IP6K3: variants seen among roughly 807,000 people sequenced by gnomAD.
The protein encoded by IP6K3 is ATP:1D-myo-inositol-hexakisphosphate phosphotransferase.
In IP6K3, 20 loss-of-function variants were observed where a neutral mutation model predicts 28.8. The observed-to-expected ratio is 0.70, with a 90% CI of 0.49 to 1.01. IP6K3 has a LOEUF of 1.01. Among genes scored for constraint, IP6K3 ranks in the 50% least tolerant of loss-of-function variants. IP6K3 has a pLI of 0.00. For synonymous variants in IP6K3, 213 were observed against 221.3 expected, an observed-to-expected ratio of 0.96 and a Z score of 0.33; for missense variants, 480 against 537.1, an observed-to-expected ratio of 0.89 and a Z score of 1.05.
chr6:33,737,403 G>T (rs143322062), intron 1 of IP6K3, among the ~76,000 whole-genome samples: 1 of 152,102 alleles, frequency 6.6e-6, no homozygotes, highest in East Asian at 1.9e-4. Flanking sequence ...ATTAATACTC[G>T]CTCCCTCTGC....
the IP6K3 span, among the ~76,000 whole-genome samples, chr6:33,753,915 T>C: frequency 2.0e-5 from 3 of 152,250 alleles, no homozygotes; most frequent in African/African-American, 4.8e-5. Flanking sequence ...TTCACGCCAT[T>C]CTCCTGCCTC....
At chr6:33,751,155 C>T (rs2127370655), upstream of IP6K3, among the ~76,000 whole-genome samples, 1 of 152,288 alleles carries the variant, frequency 6.6e-6, no homozygotes, top group South Asian at 2.1e-4. The surrounding 1 kb of genome is among the most constrained non-coding windows in gnomAD (Gnocchi z 4.3). Context: ...GGCTAGGCGG[C>T]TTGTGGCTTC....
intron 1 of IP6K3, among the ~76,000 whole-genome samples, chr6:33,738,246 G>A (rs763827114): frequency 2.0e-4 from 31 of 152,012 alleles, no homozygotes; most frequent in Non-Finnish European, 2.8e-4. Context: ...CTCCTGCCCC[G>A]CACACTTGTA....
At chr6:33,730,538 G>T (rs1247498621) in intron 2 of IP6K3, among the ~76,000 whole-genome samples, 1 of 152,202 alleles carries the variant, frequency 6.6e-6, no homozygotes, top group Non-Finnish European at 1.5e-5. Context: ...TCCACCCCTA[G>T]GCCAAGCCCA....
At chr6:33,749,196 T>A (rs139595785), upstream of IP6K3, among the ~76,000 whole-genome samples, 54 of 152,274 alleles carry the variant, frequency 3.5e-4, no homozygotes, top group Middle Eastern at 6.8e-3. Context: ...CCCCCAGGTC[T>A]CCAGGAGGGC....
At chr6:33,758,746 G>C in the IP6K3 span, among the ~76,000 whole-genome samples, 2 of 151,996 alleles carry the variant, frequency 1.3e-5, no homozygotes, top group South Asian at 4.2e-4. Flanking sequence ...TTACAGGTGC[G>C]TGCCACCACA....
the IP6K3 span, among the ~76,000 whole-genome samples, chr6:33,757,349 A>T: frequency 6.6e-6 from 1 of 152,304 alleles, no homozygotes; most frequent in Admixed American, 6.5e-5. Context: ...TGTGCAGCTG[A>T]TGTTCTTGCC....
rs1469244988 is a variant in IP6K3, at chr6:33,722,574, T to C, written c.*146A>G. 5.0e-6 allele frequency: 3 copies of C among 600,078 alleles called. No individual in the cohort carries two copies. The highest frequency in any genetic ancestry group is 1.8e-5 in the African/African-American group (1 of 54,096). 37.2% of individuals were successfully genotyped at this position (600,078 alleles called of 1,614,324 possible). A position where few individuals can be genotyped will look rare whatever the true frequency, so the allele number is the denominator to read the frequency against. On this transcript the variant is annotated 3_prime_UTR_variant, in exon 6 of 6. Coordinates refer to ENST00000293756, the MANE Select transcript of IP6K3 (RefSeq NM_054111.5). ...AGCTGATTTGTTCAGCAGCTGTTAA[T>C]ATAGTCTGCCATATATAGAGATGGT...
upstream of IP6K3, among the ~76,000 whole-genome samples, chr6:33,747,754 G>C (rs1041134482): frequency 1.3e-4 from 20 of 152,134 alleles, 1 homozygote; most frequent in Non-Finnish European, 2.2e-4. The surrounding 1 kb of genome is among the most constrained non-coding windows in gnomAD (Gnocchi z 5.2). Context: ...GGCCTCACCA[G>C]CCTCTGTCCT....
upstream of IP6K3, among the ~76,000 whole-genome samples, chr6:33,748,177 G>C (rs78279732): frequency 6.6e-3 from 1,002 of 152,228 alleles, 16 homozygotes; most frequent in South Asian, 0.035. Context: ...GGCCCAGGTT[G>C]CCCACTGGTC....
In IP6K3 at chr6:33,725,447, G is replaced by A. The variant is rs1377686372; in HGVS notation, c.759C>T (p.Gly253=). 6.2e-7 allele frequency: 1 copy of A among 1,608,724 alleles called. No homozygotes were observed. Among genetic ancestry groups the A allele is most frequent in the African/African-American group, 1.3e-5 (1 of 74,914 alleles). ...TSACLGVRIC[G]MQVYQTDKKY... is the part of the protein sequence containing the mutation. ...TGGGTCCCCTGCGACCTACCTGCAT[G>A]CCGCAGATGCGCACACCCAGGCAGG... is the stretch of plus-strand genomic sequence containing the variant. Residue 253 remains glycine (G), a synonymous_variant, in exon 5 of 6, where the codon GGC becomes GGT. Transcript: ENST00000293756.
chr6:33,756,701 CAG>C, the IP6K3 span, among the ~76,000 whole-genome samples: 1 of 152,138 alleles, frequency 6.6e-6, no homozygotes, highest in African/African-American at 2.4e-5. Context: ...CTGGAGGTGA[CAG>C]GGGTGCAGAC....
chr6:33,754,731 G>A, the IP6K3 span, among the ~76,000 whole-genome samples: 24 of 152,214 alleles, frequency 1.6e-4, no homozygotes, highest in Non-Finnish European at 2.9e-4. Context: ...TGTAGACAGT[G>A]AGGGGACTGG....
At chr6:33,731,112 C>A (rs745665543) in intron 2 of IP6K3, among the ~76,000 whole-genome samples, 4 of 152,196 alleles carry the variant, frequency 2.6e-5, no homozygotes, top group Non-Finnish European at 5.9e-5. Context: ...GCCCATCTTT[C>A]CAGGTGCGAG....
intron 2 of IP6K3, 59 bp from the exon 3 acceptor site, chr6:33,728,359 A>T: frequency 6.7e-7 from 1 of 1,488,128 alleles, no homozygotes; most frequent in East Asian, 2.3e-5. Context: ...CCACACGGAC[A>T]TGCAGGAGTG....
At chr6:33,761,722 G>T in the IP6K3 span, among the ~76,000 whole-genome samples, 2 of 152,218 alleles carry the variant, frequency 1.3e-5, no homozygotes, top group Non-Finnish European at 2.9e-5. Context: ...CTTGTCTCAG[G>T]CCCCATGCTC....
chr6:33,727,579 AT>A (rs1766164682), intron 3 of IP6K3, among the ~76,000 whole-genome samples: 1 of 152,172 alleles, frequency 6.6e-6, no homozygotes, highest in Non-Finnish European at 1.5e-5. Flanking sequence ...GTCAGCTGAC[AT>A]TGTCAAAGGT....
upstream of IP6K3, among the ~76,000 whole-genome samples, chr6:33,749,684 C>A (rs746018299): frequency 6.6e-6 from 1 of 151,720 alleles, no homozygotes; most frequent in Non-Finnish European, 1.5e-5. Context: ...TGAGGGGAGC[C>A]ACCATGCCCA....
At chr6:33,739,374 T>A (rs1041782332) in intron 1 of IP6K3, 4 of 152,154 alleles carry the variant, frequency 2.6e-5, no homozygotes, top group African/African-American at 9.7e-5. Flanking sequence ...CTCCTGCTCC[T>A]GAGCTGTGTG....
Sources: gnomAD v4.1 joint callset for allele counts (sites outside exome capture counted in the v4.1 genomes callset) on GRCh38, gnomAD v4.1.1 for gene constraint, Gnocchi (gnomAD v3.1) non-coding constraint, MANE v1.5 for transcripts, NCBI Gene and HGNC (gene_info 2026-07-23, HGNC 2026-07-21) for gene names.